The following CADM1 variants were observed in gnomAD, a reference collection of about 807,000 sequenced individuals.
CADM1 encodes the protein TSLC-1.
Under a neutral mutation model 53.1 loss-of-function variants are expected in CADM1, and 15 were observed. The observed-to-expected ratio is 0.28, with a 90% CI of 0.19 to 0.44. CADM1 has a LOEUF of 0.44. Ranked by LOEUF, CADM1 falls within the 20% of genes least tolerant of loss-of-function variation. The pLI is 1.00. For missense variants in CADM1, 434 were observed against 611.3 expected (o/e 0.71, Z 3.06); for synonymous variants, 281 against 243.0 (o/e 1.16, Z -1.45).
intron 5 of CADM1, among the ~76,000 whole-genome samples, chr11:115,224,604 G>A (rs12575340): frequency 0.19 from 28,473 of 152,082 alleles, 3,411 homozygotes; most frequent in East Asian, 0.68. Flanking sequence ...GAAAGCAGAA[G>A]CCACACAGCA....
chr11:115,236,678 GGCA>G (rs1942022287), intron 3 of CADM1, among the ~76,000 whole-genome samples: 1 of 152,060 alleles, frequency 6.6e-6, no homozygotes, highest in Non-Finnish European at 1.5e-5. Context: ...GAAAATGACA[GGCA>G]GTAGTAACTG....
chr11:115,415,750 C>T (rs1565416129), intron 1 of CADM1, among the ~76,000 whole-genome samples: 1 of 134,780 alleles, frequency 7.4e-6, no homozygotes, highest in Non-Finnish European at 1.5e-5. Context: ...GCAGGAGAAT[C>T]ACTTGAACCT....
Position 115,188,281 on chromosome 11 carries a change from A to C in CADM1, c.1165+2607T>G, listed in dbSNP as rs1331619437. ...ACAAAACAATTCAAAACTCTTATGGATCCATCATCAATAAAGTTAACACCC... is the reference window on the plus strand; with the variant it reads ...ACAAAACAATTCAAAACTCTTATGGCTCCATCATCAATAAAGTTAACACCC... On this transcript the variant is annotated intron_variant, in intron 10 of 11. Transcript: ENST00000331581. 2.6e-5 allele frequency among the ~76,000 whole-genome samples: 4 copies of C among 152,244 alleles called. No individual in the cohort carries two copies. In the East Asian group the frequency reaches 7.7e-4, roughly 29 times the overall value.
intron 1 of CADM1, among the ~76,000 whole-genome samples, chr11:115,308,135 C>CTG (rs1491046249): frequency 1.2e-5 from 1 of 85,944 alleles, no homozygotes; most frequent in Non-Finnish European, 2.2e-5. Flanking sequence ...GACACAAACT[C>CTG]TCTCTCTGTG....
At position 115,229,186 on chromosome 11, in the gene CADM1, G is replaced by T. The variant is rs1248562701; in HGVS notation, c.648C>A (p.Val216=). The change falls in exon 5 of 12, where the codon GTC becomes GTA. Residue 216 remains valine (V), a synonymous_variant. Transcript: ENST00000331581. ...MLKVHKEDDG[V]PVICQVEHPA... is the part of the protein sequence containing the mutation. The stretch of plus-strand genomic sequence containing the variant: ...GGTGCTCCACCTGGCAGATCACTGG[G>T]ACCCCATCGTCCTCCTTGTGCACCT... 1 of 1,614,092 alleles carries T rather than the reference G, an allele frequency of 6.2e-7. No homozygotes were observed. Among genetic ancestry groups the T allele is most frequent in the Non-Finnish European group, 8.5e-7 (1 of 1,179,996 alleles).
At chr11:115,231,653 T>C (rs1376164541) in intron 3 of CADM1, among the ~76,000 whole-genome samples, 163 bp from the exon 4 acceptor site, 4 of 152,102 alleles carry the variant, frequency 2.6e-5, no homozygotes, top group Non-Finnish European at 5.9e-5. Flanking sequence ...TTATGCAAAA[T>C]CAGTTAATTT....
chr11:115,251,460 G>A (rs1024220129), intron 1 of CADM1, among the ~76,000 whole-genome samples: 88 of 149,962 alleles, frequency 5.9e-4, no homozygotes, highest in Non-Finnish European at 9.5e-4. Flanking sequence ...TGGGAAGTGG[G>A]AGGGGAGAGG....
intron 1 of CADM1, among the ~76,000 whole-genome samples, chr11:115,406,386 C>A (rs1390737768): frequency 6.6e-6 from 1 of 151,466 alleles, no homozygotes; most frequent in African/African-American, 2.4e-5. Context: ...AAATCCAGAT[C>A]ATTTAAGATG....
At chr11:115,371,476 C>T (rs980879225) in intron 1 of CADM1, among the ~76,000 whole-genome samples, 1 of 152,030 alleles carries the variant, frequency 6.6e-6, no homozygotes, top group African/African-American at 2.4e-5. Flanking sequence ...ATAAACAATA[C>T]TCAACACAAA....
rs557442432 is a variant in CADM1, at chr11:115,371,597, G to A, written c.125-131177C>T. Among the ~76,000 whole-genome samples the A allele has an allele frequency of 1.1e-4, 16 of 150,468 alleles. 2 individuals are homozygous for A. The South Asian group carries it at 3.3e-3, about 31-fold the overall frequency. On this transcript the variant is annotated intron_variant, in intron 1 of 11. Transcript: ENST00000331581. ...GGGAGTAAGAACATTAAAAGTAAAT[G>A]ATCTAAACACGCAATTAAAAGGCAG...
At chr11:115,207,996 G>C (rs1173176913) in intron 8 of CADM1, among the ~76,000 whole-genome samples, 1 of 152,212 alleles carries the variant, frequency 6.6e-6, no homozygotes, top group African/African-American at 2.4e-5. Context: ...AGTTACTCTG[G>C]AAATCAGAGT....
chr11:115,261,932 A>G (rs1942986255), intron 1 of CADM1, among the ~76,000 whole-genome samples: 1 of 152,048 alleles, frequency 6.6e-6, no homozygotes, highest in Admixed American at 6.5e-5. Flanking sequence ...GGCACGTGCC[A>G]CCACACCTGA....
chr11:115,422,617 A>G (rs942830502), intron 1 of CADM1, among the ~76,000 whole-genome samples: 1 of 152,200 alleles, frequency 6.6e-6, no homozygotes, highest in African/African-American at 2.4e-5. Flanking sequence ...CCTCTTAGCC[A>G]TAACCTACAT....
chr11:115,390,899 T>C (rs1477229169), intron 1 of CADM1, among the ~76,000 whole-genome samples: 3 of 152,226 alleles, frequency 2.0e-5, no homozygotes, highest in Admixed American at 2.0e-4. Context: ...AAAATTCTTT[T>C]GCCAAGTTGA....
intron 3 of CADM1, 80 bp downstream of exon 3, chr11:115,238,420 A>G: frequency 1.4e-6 from 2 of 1,443,160 alleles, no homozygotes; most frequent in South Asian, 1.1e-5. Flanking sequence ...AGGAGAATTC[A>G]CCATTAACCT....
intron 9 of CADM1, among the ~76,000 whole-genome samples, chr11:115,195,671 A>G (rs1940110696): frequency 6.6e-6 from 1 of 152,250 alleles, no homozygotes; most frequent in African/African-American, 2.4e-5. Flanking sequence ...GAATAAAATC[A>G]GTTCTGTATC....
At chr11:115,442,720 A>C (rs995878563) in intron 1 of CADM1, among the ~76,000 whole-genome samples, 7 of 152,174 alleles carry the variant, frequency 4.6e-5, no homozygotes, top group African/African-American at 1.7e-4. Flanking sequence ...CCCAGTAAAG[A>C]GCTTGACTAA....
At chr11:115,315,016 C>A (rs974726050) in intron 1 of CADM1, among the ~76,000 whole-genome samples, 1 of 152,090 alleles carries the variant, frequency 6.6e-6, no homozygotes, top group East Asian at 1.9e-4. Flanking sequence ...GGAGTTGACA[C>A]GTTAAACAGT....
At chr11:115,406,334 T>C (rs1054363535) in intron 1 of CADM1, among the ~76,000 whole-genome samples, 1 of 151,908 alleles carries the variant, frequency 6.6e-6, no homozygotes, top group Non-Finnish European at 1.5e-5. Flanking sequence ...GATGTTAAGA[T>C]GTTTTAAAGA....
Sources: gnomAD v4.1 joint callset for allele counts (sites outside exome capture counted in the v4.1 genomes callset) on GRCh38, gnomAD v4.1.1 for gene constraint, MANE v1.5 for transcripts, NCBI Gene and HGNC (gene_info 2026-07-23, HGNC 2026-07-21) for gene names.